The following SEMA3C variants were observed in gnomAD, a reference collection of about 807,000 sequenced individuals.
The protein encoded by SEMA3C is semaphorin 3C.
SEMA3C carries 47 observed loss-of-function variants against 89.4 expected under a neutral mutation model. The ratio of observed to expected loss-of-function variants is 0.53; its 90% CI spans 0.42 to 0.67. The LOEUF (loss-of-function observed/expected upper bound fraction) is 0.67. SEMA3C is among the 30% of genes least tolerant of loss of function. SEMA3C has a pLI of 0.00. For missense variants in SEMA3C, 839 were observed against 929.1 expected (o/e 0.90, Z 1.26); for synonymous variants, 310 against 320.2 (o/e 0.97, Z 0.34).
At chr7:80,914,853 G>T (rs987646777) in intron 2 of SEMA3C, among the ~76,000 whole-genome samples, 3 of 152,182 alleles carry the variant, frequency 2.0e-5, no homozygotes, top group African/African-American at 7.2e-5. Flanking sequence ...TCTAGTCACT[G>T]TATAGCATAG....
chr7:80,878,300 C>T (rs1203598996), intron 2 of SEMA3C, among the ~76,000 whole-genome samples: 1 of 152,168 alleles, frequency 6.6e-6, no homozygotes, highest in African/African-American at 2.4e-5. Context: ...ATCGCTTGAA[C>T]CTGGGAGGCG....
At chr7:80,853,492 A>C (rs559882116) in intron 2 of SEMA3C, among the ~76,000 whole-genome samples, 2 of 152,338 alleles carry the variant, frequency 1.3e-5, no homozygotes, top group South Asian at 4.1e-4. Flanking sequence ...GGAAGATATT[A>C]TGTCAACTTA....
intron 2 of SEMA3C, among the ~76,000 whole-genome samples, chr7:80,913,340 G>T (rs1408167126): frequency 6.6e-6 from 1 of 152,178 alleles, no homozygotes; most frequent in Non-Finnish European, 1.5e-5. Context: ...GGTGGAGGTT[G>T]CAGTGAGCCA....
At chr7:80,890,926 A>G (rs1791596407) in intron 2 of SEMA3C, among the ~76,000 whole-genome samples, 1 of 152,278 alleles carries the variant, frequency 6.6e-6, no homozygotes, top group East Asian at 1.9e-4. Context: ...TGTTATCTGC[A>G]TGTCCTCTGA....
At chr7:80,765,300 T>C in intron 12 of SEMA3C, 57 bp from the exon 13 acceptor site, 1 of 1,280,510 alleles carries the variant, frequency 7.8e-7, no homozygotes, top group Non-Finnish European at 1.1e-6. Flanking sequence ...GAAAGCTATT[T>C]AGACATAGGA....
intron 2 of SEMA3C, among the ~76,000 whole-genome samples, chr7:80,866,359 A>C (rs1238624709): frequency 6.6e-6 from 1 of 152,160 alleles, no homozygotes; most frequent in Non-Finnish European, 1.5e-5. Context: ...AATAAAAACC[A>C]TACTTTAAGA....
At chr7:80,787,353 C>A (rs1299781324) in intron 12 of SEMA3C, among the ~76,000 whole-genome samples, 1 of 143,686 alleles carries the variant, frequency 7.0e-6, no homozygotes, top group Non-Finnish European at 1.5e-5. Context: ...GATCGTGCCA[C>A]TGCACTCCAG....
Position 80,798,187 on chromosome 7 carries a change from G to A in SEMA3C, c.1036C>T (p.Gln346Ter). ...GCAAAAGGCCCATTAAACACAGTCT[G>A]TATATCAGATAAATGATACACACAC... Reference protein sequence around the residue: ...AVCVYHLSDIQTVFNGPFAHK... With the variant: ...AVCVYHLSDI Residue 346 changes from glutamine to a stop codon, truncating the protein, a stop_gained, in exon 11 of 18, where the codon CAG (glutamine) becomes TAG (stop). Coordinates refer to ENST00000265361, the MANE Select transcript of SEMA3C (RefSeq NM_006379.5). LOFTEE classifies it high-confidence loss of function. 6.3e-7 allele frequency: 1 copy of A among 1,591,288 alleles called. No individual in the cohort carries two copies. Among genetic ancestry groups the A allele is most frequent in the Non-Finnish European group, 8.5e-7 (1 of 1,171,176 alleles).
chr7:80,908,249 T>C (rs1792059664), intron 2 of SEMA3C, among the ~76,000 whole-genome samples: 1 of 152,132 alleles, frequency 6.6e-6, no homozygotes. Context: ...TTACTCTCAG[T>C]TTCTAATTTT....
intron 2 of SEMA3C, among the ~76,000 whole-genome samples, chr7:80,867,264 T>C (rs1044337389): frequency 1.3e-5 from 2 of 152,156 alleles, no homozygotes; most frequent in African/African-American, 4.8e-5. Context: ...TCTTCTATTT[T>C]TTCTTTTTAA....
chr7:80,765,094 T>C (rs1282114739), intron 13 of SEMA3C, 61 bp downstream of exon 13: 3 of 1,161,796 alleles, frequency 2.6e-6, no homozygotes, highest in Non-Finnish European at 3.8e-6. Flanking sequence ...CAAGTGGCTG[T>C]AAGATTAAAG....
intron 13 of SEMA3C, among the ~76,000 whole-genome samples, chr7:80,761,967 T>C (rs976289566): frequency 6.6e-5 from 10 of 151,756 alleles, no homozygotes; most frequent in African/African-American, 2.2e-4. Flanking sequence ...TGGGCACCTG[T>C]AATCCCAGCT....
At chr7:80,837,338 A>C (rs1182249693) in intron 2 of SEMA3C, among the ~76,000 whole-genome samples, 1 of 152,232 alleles carries the variant, frequency 6.6e-6, no homozygotes, top group Non-Finnish European at 1.5e-5. Context: ...TACTAAAAAC[A>C]GAATACTATA....
chr7:80,777,491 C>T (rs1788577943), intron 12 of SEMA3C, among the ~76,000 whole-genome samples: 1 of 152,114 alleles, frequency 6.6e-6, no homozygotes, highest in Non-Finnish European at 1.5e-5. Context: ...GGGGTTTTGC[C>T]ATGTTGGCCA....
rs560804573 is a variant in SEMA3C, at chr7:80,795,077, G to A, written c.1131+3015C>T. ...TACTACTGTAGGGGGAAATAAAGTAGGAAAATCACAGTTGATCCTTCATTG... is the reference window on the plus strand; with the variant it reads ...TACTACTGTAGGGGGAAATAAAGTAAGAAAATCACAGTTGATCCTTCATTG... On this transcript the variant is annotated intron_variant, in intron 11 of 17. Coordinates refer to ENST00000265361, the MANE Select transcript of SEMA3C (RefSeq NM_006379.5). Among the ~76,000 whole-genome samples the A allele has an allele frequency of 6.3e-4, 96 of 152,268 alleles. 1 individual carries two copies. Among genetic ancestry groups the A allele is most frequent in the Admixed American group, 2.6e-4 (4 of 15,292 alleles).
chr7:80,887,253 A>G (rs1461087181), intron 2 of SEMA3C, among the ~76,000 whole-genome samples: 1 of 152,202 alleles, frequency 6.6e-6, no homozygotes, highest in African/African-American at 2.4e-5. Flanking sequence ...GATTATGCTC[A>G]CCAATTTTAG....
chr7:80,750,471 T>TACACAC (rs1450069681), intron 16 of SEMA3C, among the ~76,000 whole-genome samples: 169 of 52,352 alleles, frequency 3.2e-3, no homozygotes, highest in African/African-American at 0.011. Context: ...TATATATATA[T>TACACAC]ATACACACAC....
At chr7:80,838,151 G>A (rs1195474389) in intron 2 of SEMA3C, among the ~76,000 whole-genome samples, 1 of 152,114 alleles carries the variant, frequency 6.6e-6, no homozygotes, top group East Asian at 1.9e-4. Flanking sequence ...AAAGTAGGGT[G>A]TGTATGGCTG....
rs1457827465 is a variant in SEMA3C, at chr7:80,743,442, A to G, written c.*1452T>C. 1 of 151,914 alleles carries G rather than the reference A, an allele frequency of 6.6e-6. No individual in the cohort carries two copies. The highest frequency in any genetic ancestry group is 2.4e-5 in the African/African-American group (1 of 41,448). 9.4% of individuals were successfully genotyped at this position (151,914 alleles called of 1,614,324 possible). On this transcript the variant is annotated 3_prime_UTR_variant, in exon 18 of 18. Transcript: ENST00000265361. ...ACTTTAATTACCTTCATCATAGATT[A>G]TTAACTATAAATAAAATGTTTATAT... is the stretch of plus-strand genomic sequence containing the variant.
Sources: gnomAD v4.1 joint callset for allele counts (sites outside exome capture counted in the v4.1 genomes callset) on GRCh38, gnomAD v4.1.1 for gene constraint, MANE v1.5 for transcripts, NCBI Gene and HGNC (gene_info 2026-07-23, HGNC 2026-07-21) for gene names.